PRKCQ: variants seen among roughly 807,000 people sequenced by gnomAD.
PRKCQ encodes protein kinase C theta.
Under a neutral mutation model 91.2 loss-of-function variants are expected in PRKCQ, and 41 were observed. The ratio of observed to expected loss-of-function variants is 0.45; its 90% CI spans 0.35 to 0.58. The LOEUF is 0.58. Ranked by LOEUF, PRKCQ falls within the 20% of genes least tolerant of loss-of-function variation. PRKCQ has a pLI of 0.00. For synonymous variants in PRKCQ, 307 were observed against 316.9 expected (o/e 0.97, Z 0.33); for missense variants, 673 against 896.5 (o/e 0.75, Z 3.18).
intron 12 of PRKCQ, 114 bp from the exon 13 acceptor site, chr10:6,464,518 C>T (rs750429844): frequency 4.6e-5 from 38 of 831,310 alleles, no homozygotes; most frequent in South Asian, 1.0e-4. Flanking sequence ...GGCGTGATCT[C>T]GGGTCACTGC....
intron 1 of PRKCQ, among the ~76,000 whole-genome samples, chr10:6,531,592 T>C (rs1001291802): frequency 6.6e-5 from 10 of 151,208 alleles, no homozygotes; most frequent in Admixed American, 5.9e-4. Flanking sequence ...CACTTCCTCA[T>C]GTTCAGTGAA....
chr10:6,404,577 TTC>T, the PRKCQ span, among the ~76,000 whole-genome samples: 1 of 88,620 alleles, frequency 1.1e-5, no homozygotes, highest in African/African-American at 3.5e-5. Context: ...TTCTTTCTCT[TTC>T]TTTCTTTCTT....
chr10:6,478,925 C>A (rs1268920170), intron 12 of PRKCQ, 67 bp downstream of exon 12: 4 of 1,541,430 alleles, frequency 2.6e-6, no homozygotes, highest in South Asian at 1.2e-5. Context: ...CTAATGAGGG[C>A]GCCATTGAAG....
intron 1 of PRKCQ, among the ~76,000 whole-genome samples, chr10:6,565,546 C>CT (rs1015767132): frequency 7.9e-4 from 120 of 151,916 alleles, no homozygotes; most frequent in South Asian, 2.5e-3. Context: ...CAATGTTCGC[C>CT]TTTTTTTTGG....
chr10:6,446,392 T>C (rs1299784085), intron 15 of PRKCQ, among the ~76,000 whole-genome samples: 1 of 122,566 alleles, frequency 8.2e-6, no homozygotes, highest in Non-Finnish European at 1.6e-5. Context: ...GGAGACAGAG[T>C]CTCGCTTATG....
intron 1 of PRKCQ, among the ~76,000 whole-genome samples, chr10:6,550,327 G>A (rs1398414660): frequency 6.6e-6 from 1 of 152,116 alleles, no homozygotes; most frequent in East Asian, 1.9e-4. Flanking sequence ...AGCCTGGAGT[G>A]CAGCGGTATG....
chr10:6,535,911 C>T (rs376103529), intron 1 of PRKCQ, among the ~76,000 whole-genome samples: 1 of 152,200 alleles, frequency 6.6e-6, no homozygotes, highest in Admixed American at 6.5e-5. Context: ...GAAATGCCCC[C>T]AGCCTCCCAC....
chr10:6,428,028 T>G lies in PRKCQ; in HGVS notation c.*179A>C. The G allele has an allele frequency of 1.4e-6, 1 of 698,756 alleles. No individual in the cohort carries two copies. The highest frequency in any genetic ancestry group is 2.8e-5 in the East Asian group (1 of 35,892). 43.3% of individuals were successfully genotyped at this position (698,756 alleles called of 1,614,324 possible). On this transcript the variant is annotated 3_prime_UTR_variant, in exon 18 of 18. Coordinates refer to ENST00000263125, the MANE Select transcript of PRKCQ (RefSeq NM_006257.5). ...GGAGACGAGACACACGGCATCGTCA[T>G]TAGTGAAGTAGACTTGGTTTCTGCT...
At chr10:6,532,451 G>A (rs777244106) in intron 1 of PRKCQ, among the ~76,000 whole-genome samples, 1 of 151,742 alleles carries the variant, frequency 6.6e-6, no homozygotes, top group Admixed American at 6.6e-5. Context: ...AATGTGCTTC[G>A]GTCTACAGTC....
chr10:6,510,356 AAAGT>A (rs1420840212), intron 3 of PRKCQ, among the ~76,000 whole-genome samples: 1 of 152,202 alleles, frequency 6.6e-6, no homozygotes, highest in Non-Finnish European at 1.5e-5. Context: ...CTTCTTAGTC[AAAGT>A]AAGCTAAGTT....
chr10:6,533,203 C>A (rs951825597), intron 1 of PRKCQ, among the ~76,000 whole-genome samples: 5 of 152,066 alleles, frequency 3.3e-5, no homozygotes, highest in African/African-American at 1.2e-4. Flanking sequence ...CAGGTTCACT[C>A]TTCTATTTTT....
intron 12 of PRKCQ, among the ~76,000 whole-genome samples, chr10:6,472,450 G>A (rs1448359592): frequency 6.6e-6 from 1 of 152,180 alleles, no homozygotes; most frequent in African/African-American, 2.4e-5. Context: ...GTATTTGGAC[G>A]AGAAAACTGT....
chr10:6,546,050 C>T (rs756162259), intron 1 of PRKCQ, among the ~76,000 whole-genome samples: 8 of 151,974 alleles, frequency 5.3e-5, no homozygotes, highest in East Asian at 1.9e-4. Context: ...TTTTGTGTTA[C>T]GCGTATTCTA....
At chr10:6,536,260 C>A (rs932621366) in intron 1 of PRKCQ, among the ~76,000 whole-genome samples, 7 of 152,156 alleles carry the variant, frequency 4.6e-5, no homozygotes, top group Admixed American at 1.3e-4. Flanking sequence ...GGGGTATAAC[C>A]CCCAGGGTGG....
At chr10:6,550,560 C>A (rs1840143498) in intron 1 of PRKCQ, among the ~76,000 whole-genome samples, 2 of 152,352 alleles carry the variant, frequency 1.3e-5, no homozygotes, top group South Asian at 2.1e-4. Flanking sequence ...GGGCATGAAC[C>A]ACTGTGCCCA....
At chr10:6,530,403 T>C (rs1319223609) in intron 1 of PRKCQ, among the ~76,000 whole-genome samples, 1 of 152,128 alleles carries the variant, frequency 6.6e-6, no homozygotes, top group East Asian at 1.9e-4. Context: ...TCAAAGAAAA[T>C]ACAGTATTTG....
At chr10:6,453,388 T>A (rs1834820271) in intron 15 of PRKCQ, among the ~76,000 whole-genome samples, 1 of 152,156 alleles carries the variant, frequency 6.6e-6, no homozygotes, top group African/African-American at 2.4e-5. Flanking sequence ...TCACACCAGT[T>A]AGAATGGCAA....
rs538547681 is a variant in PRKCQ at position 6,499,895 on chromosome 10, C to T, written c.380-1337G>A. On this transcript the variant is annotated intron_variant, in intron 4 of 17. Transcript: ENST00000263125. ...AGGAGCTGTGTGGGTAGAAACCTCC[C>T]CCAGGAATCCAGCCACATCCCAGGA... is the stretch of plus-strand genomic sequence containing the variant. Among the ~76,000 whole-genome samples the T allele has an allele frequency of 3.9e-5, 6 of 152,288 alleles. No individual in the cohort carries two copies. The East Asian group carries it at 1.2e-3, about 29-fold the overall frequency.
rs1438828386 is a variant in PRKCQ, at chr10:6,479,179, G to T, written c.1180-14C>A. ...TGCCAGGAAGACCTAGAAGGAGAGG[G>T]AAGAAGTAACTTTATTTTAGAATTT... On this transcript the variant is annotated splice_polypyrimidine_tract_variant and intron_variant, in intron 11 of 17. Transcript: ENST00000263125. 3.1e-6 allele frequency: 5 copies of T among 1,611,652 alleles called. No individual in the cohort carries two copies. The African/African-American group carries it at 5.4e-5, about 17-fold the overall frequency.
Sources: gnomAD v4.1 joint callset for allele counts (sites outside exome capture counted in the v4.1 genomes callset) on GRCh38, gnomAD v4.1.1 for gene constraint, MANE v1.5 for transcripts, NCBI Gene and HGNC (gene_info 2026-07-23, HGNC 2026-07-21) for gene names.